CSMD1: variants seen among roughly 807,000 people sequenced by gnomAD.
CSMD1 encodes the protein CUB and Sushi multiple domains 1.
CSMD1 carries 213 observed loss-of-function variants against 417.5 expected under a neutral mutation model. The observed-to-expected ratio is 0.51, with a 90% CI of 0.46 to 0.57. The LOEUF is 0.57. Ranked by LOEUF, CSMD1 falls within the 20% of genes least tolerant of loss-of-function variation. The pLI is 0.00. For synonymous variants in CSMD1, 2,862 were observed against 1,736.8 expected, an observed-to-expected ratio of 1.65 and a Z score of -16.11; for missense variants, 6,923 against 4,529.7, an observed-to-expected ratio of 1.53 and a Z score of -15.17.
chr8:4,219,875 C>A (rs1473755481), intron 3 of CSMD1, among the ~76,000 whole-genome samples: 2 of 152,060 alleles, frequency 1.3e-5, no homozygotes, highest in Non-Finnish European at 1.5e-5. Flanking sequence ...GACAAAATCT[C>A]GAATTAATAC....
At chr8:3,361,651 C>CAAAAAAAAAAAAA (rs765648287) in intron 20 of CSMD1, among the ~76,000 whole-genome samples, 6 of 79,198 alleles carry the variant, frequency 7.6e-5, no homozygotes, top group Admixed American at 1.8e-4. Flanking sequence ...GATTCCATCT[C>CAAAAAAAAAAAAA]AAAAAAAAAA....
chr8:4,888,059 C>T (rs565180115), intron 1 of CSMD1, among the ~76,000 whole-genome samples: 1 of 151,952 alleles, frequency 6.6e-6, no homozygotes, highest in South Asian at 2.1e-4. Flanking sequence ...GGAATTTACT[C>T]TGAAGATAAA....
intron 3 of CSMD1, among the ~76,000 whole-genome samples, chr8:4,367,076 T>C (rs1209220817): frequency 6.6e-6 from 1 of 152,244 alleles, no homozygotes; most frequent in Admixed American, 6.5e-5. Flanking sequence ...ATTTTTATTT[T>C]TATTGCAATT....
intron 2 of CSMD1, among the ~76,000 whole-genome samples, chr8:4,575,496 A>T (rs1274142766): frequency 6.6e-6 from 1 of 152,172 alleles, no homozygotes; most frequent in African/African-American, 2.4e-5. Context: ...GGAATAATGC[A>T]GGTATCCTCC....
intron 33 of CSMD1, among the ~76,000 whole-genome samples, chr8:3,191,760 T>C (rs1302054238): frequency 1.3e-5 from 2 of 152,192 alleles, no homozygotes; most frequent in Non-Finnish European, 2.9e-5. Context: ...AAGAGGTCCA[T>C]CACACTAGGC....
rs36032705 is a variant in CSMD1 at position 3,881,885 on chromosome 8, G to T, written c.818+116018C>A. 5.5e-3 allele frequency among the ~76,000 whole-genome samples: 832 copies of T among 152,090 alleles called. 1 individual carries two copies. Among genetic ancestry groups the T allele is most frequent in the Non-Finnish European group, 8.0e-3 (542 of 67,972 alleles). On this transcript the variant is annotated intron_variant, in intron 5 of 69. Coordinates refer to ENST00000635120, the MANE Select transcript of CSMD1 (RefSeq NM_033225.6). ...ATTGACTTCTCCATAAATGGGGCTGGGTCAGTTGCATGTTCATACAGAAAA... is the reference window on the plus strand; with the variant it reads ...ATTGACTTCTCCATAAATGGGGCTGTGTCAGTTGCATGTTCATACAGAAAA...
chr8:3,243,367 C>T (rs1799667607), intron 26 of CSMD1, among the ~76,000 whole-genome samples: 1 of 151,830 alleles, frequency 6.6e-6, no homozygotes, highest in African/African-American at 2.4e-5. Context: ...TTTGTGTGAG[C>T]AATAAAGCTG....
At chr8:4,330,093 A>G (rs1395869383) in intron 3 of CSMD1, among the ~76,000 whole-genome samples, 1 of 151,904 alleles carries the variant, frequency 6.6e-6, no homozygotes, top group Non-Finnish European at 1.5e-5. Context: ...GCAATGCAAG[A>G]ACAGTCCAAT....
At chr8:3,107,547 T>C (rs1231598822) in intron 45 of CSMD1, among the ~76,000 whole-genome samples, 171 bp downstream of exon 45, 2 of 152,214 alleles carry the variant, frequency 1.3e-5, no homozygotes, top group Non-Finnish European at 2.9e-5. Context: ...ATTTGATACA[T>C]GACCTCCGTA....
rs186612394 is a variant in CSMD1, at chr8:4,145,245, G to A, written c.416-113146C>T. Among the ~76,000 whole-genome samples, 20 of 150,922 alleles carry A rather than the reference G, an allele frequency of 1.3e-4. No homozygotes were observed. The East Asian group carries it at 3.9e-3, about 29-fold the overall frequency. On this transcript the variant is annotated intron_variant, in intron 3 of 69. Coordinates refer to ENST00000635120, the MANE Select transcript of CSMD1 (RefSeq NM_033225.6). Reference sequence around the variant, plus strand: ...TTTCCAAATAGGACATTCATGACCTGGACAGGTATAACTGGAACTTGTAGA... The same window carrying A: ...TTTCCAAATAGGACATTCATGACCTAGACAGGTATAACTGGAACTTGTAGA...
At chr8:4,230,315 C>T (rs745556841) in intron 3 of CSMD1, among the ~76,000 whole-genome samples, 2 of 152,050 alleles carry the variant, frequency 1.3e-5, no homozygotes, top group African/African-American at 2.4e-5. Context: ...TTAATCTATC[C>T]AATTAATCCA....
intron 36 of CSMD1, among the ~76,000 whole-genome samples, chr8:3,187,185 G>T (rs148138987): frequency 6.6e-6 from 1 of 152,208 alleles, no homozygotes; most frequent in East Asian, 1.9e-4. Context: ...TGCTCATGAA[G>T]TTTGAGTCCT....
intron 14 of CSMD1, among the ~76,000 whole-genome samples, chr8:3,406,711 C>G (rs1167808261): frequency 6.6e-6 from 1 of 152,162 alleles, no homozygotes; most frequent in East Asian, 1.9e-4. Flanking sequence ...TTGTCCAATT[C>G]TAAGTATTCT....
chr8:3,134,512 G>A lies in CSMD1; in HGVS notation c.6241+7953C>T, dbSNP rs182082160. ...ATCTGTCAGGTGTCAGGTCCAAAACGAAAAACTGTGATCGGAGTTTTCCCA... is the reference window on the plus strand; with the variant it reads ...ATCTGTCAGGTGTCAGGTCCAAAACAAAAAACTGTGATCGGAGTTTTCCCA... On this transcript the variant is annotated intron_variant, in intron 41 of 69. Coordinates refer to ENST00000635120, the MANE Select transcript of CSMD1 (RefSeq NM_033225.6). Among the ~76,000 whole-genome samples the A allele has an allele frequency of 4.8e-3, 731 of 152,338 alleles. 7 individuals are homozygous for A. Among genetic ancestry groups the A allele is most frequent in the Non-Finnish European group, 4.9e-3 (334 of 68,032 alleles).
intron 5 of CSMD1, among the ~76,000 whole-genome samples, chr8:3,938,245 C>G (rs1011695344): frequency 2.0e-5 from 3 of 151,916 alleles, no homozygotes; most frequent in Admixed American, 6.6e-5. Flanking sequence ...AAATGCTTTA[C>G]TGTTTAAAAA....
Position 3,110,176 on chromosome 8 carries a change from T to C in CSMD1, c.6590A>G (p.Asn2197Ser), listed in dbSNP as rs1278806964. 1 of 1,608,818 alleles carries C rather than the reference T, an allele frequency of 6.2e-7. No individual in the cohort carries two copies. The highest frequency in any genetic ancestry group is 1.3e-5 in the African/African-American group (1 of 74,864). Residue 2197 changes from asparagine to serine, a missense_variant, in exon 43 of 70, where the codon AAC becomes AGC. Transcript: ENST00000635120. Reference protein sequence around the residue: ...NFTLLQTEAVNDYIAVWDGPD... With the variant: ...NFTLLQTEAVSDYIAVWDGPD... ...CTCATACCAAACAGCAATGTAATCG[T>C]TGACAGCTTCCGTCTGTAACAGGGT...
chr8:4,727,883 T>C (rs1384216042), intron 1 of CSMD1, among the ~76,000 whole-genome samples: 1 of 148,048 alleles, frequency 6.8e-6, no homozygotes. Flanking sequence ...ATCACCAATA[T>C]GTACCCACCT....
chr8:2,988,728 G>A (rs1806136722), intron 54 of CSMD1, among the ~76,000 whole-genome samples: 1 of 152,156 alleles, frequency 6.6e-6, no homozygotes, highest in African/African-American at 2.4e-5. Context: ...TATATGCAAA[G>A]ATAGTGTTAC....
At chr8:3,889,963 G>T (rs187965077) in intron 5 of CSMD1, among the ~76,000 whole-genome samples, 29 of 152,210 alleles carry the variant, frequency 1.9e-4, no homozygotes, top group Non-Finnish European at 3.4e-4. Flanking sequence ...TGGGAGGATT[G>T]CTTGAACCCA....
Sources: gnomAD v4.1 joint callset for allele counts (sites outside exome capture counted in the v4.1 genomes callset) on GRCh38, gnomAD v4.1.1 for gene constraint, MANE v1.5 for transcripts, NCBI Gene and HGNC (gene_info 2026-07-23, HGNC 2026-07-21) for gene names.